Variants in F10 observed in about 807,000 individuals in gnomAD.
The protein encoded by F10 is Stuart-Prower factor.
F10 carries 29 observed loss-of-function variants against 37.1 expected under a neutral mutation model. The ratio of observed to expected loss-of-function variants is 0.78; its 90% CI spans 0.58 to 1.07. The LOEUF is 1.07. Ranked by LOEUF, F10 falls within the 50% of genes least tolerant of loss-of-function variation. The pLI, the probability that F10 is intolerant of heterozygous loss-of-function variation, is 0.00. For synonymous variants in F10, 262 were observed against 268.6 expected, an observed-to-expected ratio of 0.98 and a Z score of 0.24; for missense variants, 539 against 667.9, an observed-to-expected ratio of 0.81 and a Z score of 2.13.
chr13:113,144,222 G>C lies in F10; in HGVS notation c.747+127G>C. 1 of 1,436,466 alleles carries C rather than the reference G, an allele frequency of 7.0e-7. No individual in the cohort carries two copies. Among genetic ancestry groups the C allele is most frequent in the South Asian group, 1.2e-5 (1 of 81,704 alleles). 89.0% of individuals were successfully genotyped at this position (1,436,466 alleles called of 1,614,324 possible). On this transcript the variant is annotated intron_variant, in intron 6 of 7. Coordinates refer to ENST00000375559, the MANE Select transcript of F10 (RefSeq NM_000504.4). This position sits in a 1 kb window ranked among gnomAD's most constrained non-coding sequence, Gnocchi z 6.4. The stretch of plus-strand genomic sequence containing the variant: ...AACTGTTCCGAACTAGGACAGAGGG[G>C]CTCCGCCACCCAAGCCTGCCTGCCT...
chr13:113,143,341 G>A lies in F10; in HGVS notation c.503-510G>A, dbSNP rs3211778. The stretch of plus-strand genomic sequence containing the variant: ...CTCTCCTGTGCCTCCAGTTGTTTGC[G>A]TGCGCCATTCCTTCTGCCTGAAAAC... On this transcript the variant is annotated intron_variant, in intron 5 of 7. Transcript: ENST00000375559. This position sits in a 1 kb window ranked among gnomAD's most constrained non-coding sequence, Gnocchi z 6.8. Among the ~76,000 whole-genome samples the A allele has an allele frequency of 2.2e-3, 337 of 152,200 alleles. No individual in the cohort carries two copies. The highest frequency in any genetic ancestry group is 7.9e-3 in the African/African-American group (327 of 41,528).
At position 113,143,033 on chromosome 13, in the gene F10, G is replaced by T. The variant is rs1031315366; in HGVS notation, c.503-818G>T. ...AGAGCTGAGGCACGGCGGGGTGGAGGCCCCTGCGGCTGGCAGATTCACCGG... is the reference window on the plus strand; with the variant it reads ...AGAGCTGAGGCACGGCGGGGTGGAGTCCCCTGCGGCTGGCAGATTCACCGG... On this transcript the variant is annotated intron_variant, in intron 5 of 7. Coordinates refer to ENST00000375559, the MANE Select transcript of F10 (RefSeq NM_000504.4). The surrounding 1 kb of genome is among the most constrained non-coding windows in gnomAD (Gnocchi z 6.8). Among the ~76,000 whole-genome samples, 4 of 152,146 alleles carry T rather than the reference G, an allele frequency of 2.6e-5. No individual in the cohort carries two copies. Among genetic ancestry groups the T allele is most frequent in the Non-Finnish European group, 5.9e-5 (4 of 68,024 alleles).
intron 1 of F10, among the ~76,000 whole-genome samples, chr13:113,126,560 G>A (rs1307653526): frequency 6.6e-6 from 1 of 152,152 alleles, no homozygotes; most frequent in African/African-American, 2.4e-5. Context: ...ACCAATCCTT[G>A]TGGCAAGTCT....
chr13:113,130,946 C>T (rs1357250705), intron 2 of F10: 7 of 152,342 alleles, frequency 4.6e-5, no homozygotes, highest in South Asian at 2.1e-4. Context: ...AATTGCACTG[C>T]TGCCTCCTGG....
chr13:113,132,283 A>G (rs929668493), intron 2 of F10, among the ~76,000 whole-genome samples: 2 of 152,266 alleles, frequency 1.3e-5, no homozygotes, highest in African/African-American at 4.8e-5. Flanking sequence ...TAGTAAAAGT[A>G]AATAATGCTG....
At position 113,122,849 on chromosome 13, in the gene F10, C is replaced by T; in HGVS notation, c.-7C>T. The T allele has an allele frequency of 1.9e-6, 3 of 1,609,764 alleles. No homozygotes were observed. Among genetic ancestry groups the T allele is most frequent in the Non-Finnish European group, 2.5e-6 (3 of 1,180,012 alleles). The stretch of plus-strand genomic sequence containing the variant: ...GTGAGGACAGGGACACAGTACTCGG[C>T]CACACCATGGGGCGCCCACTGCACC... On this transcript the variant is annotated 5_prime_UTR_variant, in exon 1 of 8. Coordinates refer to ENST00000375559, the MANE Select transcript of F10 (RefSeq NM_000504.4).
At position 113,144,106 on chromosome 13, in the gene F10, G is replaced by A. The variant is rs376728587; in HGVS notation, c.747+11G>A. ...GAGTGTCCCTGGCAGGTAACAGTAG[G>A]ATGTCCCCTCGGGCCTGCTGGAGAG... On this transcript the variant is annotated intron_variant, in intron 6 of 7. Transcript: ENST00000375559. The surrounding 1 kb of genome is among the most constrained non-coding windows in gnomAD (Gnocchi z 6.4). 423 of 1,613,522 alleles carry A rather than the reference G, an allele frequency of 2.6e-4. No individual in the cohort carries two copies. Among genetic ancestry groups the A allele is most frequent in the Non-Finnish European group, 3.4e-4 (398 of 1,180,002 alleles).
At chr13:113,145,524 T>C (rs1172553837) in intron 6 of F10, among the ~76,000 whole-genome samples, 2 of 152,088 alleles carry the variant, frequency 1.3e-5, no homozygotes, top group Non-Finnish European at 2.9e-5. Context: ...GAAGCATACA[T>C]ATGCGAAAAA....
At chr13:113,130,355 T>C (rs1449348597) in intron 2 of F10, 2 of 153,752 alleles carry the variant, frequency 1.3e-5, no homozygotes, top group Non-Finnish European at 2.9e-5. Flanking sequence ...GAGGCGGGGC[T>C]TCGAACGAAC....
At chr13:113,138,195 T>G (rs1293809182) in intron 2 of F10, among the ~76,000 whole-genome samples, 1 of 152,204 alleles carries the variant, frequency 6.6e-6, no homozygotes, top group Non-Finnish European at 1.5e-5. Context: ...GCAACCTGTT[T>G]CTAGGTAATT....
At chr13:113,125,524 A>T (rs1169210877) in intron 1 of F10, among the ~76,000 whole-genome samples, 8 of 152,260 alleles carry the variant, frequency 5.3e-5, no homozygotes, top group African/African-American at 1.7e-4. Context: ...GATGCTCCAT[A>T]TCAGAGTTCT....
chr13:113,142,951 A>G (rs2036546516), intron 5 of F10, among the ~76,000 whole-genome samples: 1 of 151,756 alleles, frequency 6.6e-6, no homozygotes, highest in African/African-American at 2.4e-5. Flanking sequence ...AAAAAAGTTC[A>G]GTTCCAAATA....
At position 113,140,901 on chromosome 13, in the gene F10, C is replaced by A. The variant is rs74945555; in HGVS notation, c.371-18C>A. Reference sequence around the variant, plus strand: ...TTTCTCCAGCTGTCCCCAGAGCCAACGTGCCTCTCCTTTGCAGTCACACGG... The same window carrying A: ...TTTCTCCAGCTGTCCCCAGAGCCAAAGTGCCTCTCCTTTGCAGTCACACGG... On this transcript the variant is annotated intron_variant, in intron 4 of 7. Transcript: ENST00000375559. 1.2e-6 allele frequency: 2 copies of A among 1,613,954 alleles called. No individual in the cohort carries two copies. The highest frequency in any genetic ancestry group is 8.5e-7 in the Non-Finnish European group (1 of 1,180,034).
At chr13:113,148,873 T>C (rs772145007) in intron 7 of F10, 43 bp from the exon 8 acceptor site, 5 of 1,593,624 alleles carry the variant, frequency 3.1e-6, no homozygotes, top group South Asian at 1.1e-5. Flanking sequence ...TGCGAGAGCA[T>C]GTCCCTGGCT....
In F10 at chr13:113,139,495, T is replaced by A; in HGVS notation, c.370+25T>A. On this transcript the variant is annotated intron_variant, in intron 4 of 7. Coordinates refer to ENST00000375559, the MANE Select transcript of F10 (RefSeq NM_000504.4). The surrounding 1 kb of genome is among the most constrained non-coding windows in gnomAD (Gnocchi z 5.2). The stretch of plus-strand genomic sequence containing the variant: ...TGTAGGTTCCTCTGCTTGGTATACC[T>A]TCAGATCAGATGCCCCTGAAGAGTG... The A allele has an allele frequency of 6.3e-7, 1 of 1,575,404 alleles. No individual in the cohort carries two copies. The highest frequency in any genetic ancestry group is 8.7e-7 in the Non-Finnish European group (1 of 1,145,078).
In F10 at chr13:113,143,829, C is replaced by T. The variant is rs774106589; in HGVS notation, c.503-22C>T. The T allele has an allele frequency of 6.2e-7, 1 of 1,610,102 alleles. No homozygotes were observed. Among genetic ancestry groups the T allele is most frequent in the East Asian group, 2.2e-5 (1 of 44,866 alleles). On this transcript the variant is annotated intron_variant, in intron 5 of 7. Coordinates refer to ENST00000375559, the MANE Select transcript of F10 (RefSeq NM_000504.4). The surrounding 1 kb of genome is among the most constrained non-coding windows in gnomAD (Gnocchi z 6.8). Reference sequence around the variant, plus strand: ...GGAGCCTCTCTCTGTGCTGAAGGCCCCGGCCGTCCTCTTTCTTTCAGGGCC... The same window carrying T: ...GGAGCCTCTCTCTGTGCTGAAGGCCTCGGCCGTCCTCTTTCTTTCAGGGCC...
rs2036527993 is a variant in F10, at chr13:113,141,574, T to C, written c.502+524T>C. On this transcript the variant is annotated intron_variant, in intron 5 of 7. Transcript: ENST00000375559. This position sits in a 1 kb window ranked among gnomAD's most constrained non-coding sequence, Gnocchi z 5.4. ...CGTAGTTTTTCTTTTCCTTGATGAATGTGGACAACAGGCGGCCAGAGGGCA... is the reference window on the plus strand; with the variant it reads ...CGTAGTTTTTCTTTTCCTTGATGAACGTGGACAACAGGCGGCCAGAGGGCA... Among the ~76,000 whole-genome samples, 1 of 152,118 alleles carries C rather than the reference T, an allele frequency of 6.6e-6. No homozygotes were observed. The highest frequency in any genetic ancestry group is 6.5e-5 in the Admixed American group (1 of 15,276).
At position 113,138,442 on chromosome 13, in the gene F10, CT is replaced by C. The variant is rs1364933659; in HGVS notation, c.232-9del. 1.6e-6 allele frequency: 2 copies of C among 1,222,700 alleles called. No individual in the cohort carries two copies. Among genetic ancestry groups the C allele is most frequent in the Non-Finnish European group, 2.4e-6 (2 of 833,394 alleles). 75.7% of individuals were successfully genotyped at this position (1,222,700 alleles called of 1,614,324 possible). ...TTTTCCCTAATATATTTTTAAATTT[CT>C]TTTTTCCTTTTAGAATGAATTCTGG... On this transcript the variant is annotated splice_polypyrimidine_tract_variant and intron_variant, in intron 2 of 7. Transcript: ENST00000375559.
chr13:113,134,851 C>T (rs2036463794), intron 2 of F10, among the ~76,000 whole-genome samples: 1 of 152,024 alleles, frequency 6.6e-6, no homozygotes, highest in South Asian at 2.1e-4. Context: ...GATCTTTATC[C>T]CAAAATCTAC....
Sources: allele counts gnomAD v4.1 joint callset (sites outside exome capture counted in the v4.1 genomes callset), GRCh38; gene constraint gnomAD v4.1.1; non-coding constraint Gnocchi (gnomAD v3.1); transcripts MANE v1.5; gene names NCBI Gene and HGNC (gene_info 2026-07-23, HGNC 2026-07-21).